The following SPTLC3 variants were observed in gnomAD, a reference collection of about 807,000 sequenced individuals.
SPTLC3 encodes the protein serine palmitoyltransferase 3.
A neutral mutation model predicts 59.3 loss-of-function variants in SPTLC3; 36 were observed. That is an observed-to-expected ratio of 0.61 (90% CI 0.47 to 0.80). The LOEUF (loss-of-function observed/expected upper bound fraction) is 0.80, where lower values mean the gene tolerates loss of function less well. Ranked by LOEUF, SPTLC3 falls within the 30% of genes least tolerant of loss-of-function variation. The pLI is 0.00. For missense variants in SPTLC3, 625 were observed against 685.1 expected (o/e 0.91, Z 0.98); for synonymous variants, 257 against 240.8 (o/e 1.07, Z -0.62).
chr20:13,065,108 A>T (rs1988143327), intron 2 of SPTLC3, among the ~76,000 whole-genome samples: 1 of 152,124 alleles, frequency 6.6e-6, no homozygotes, highest in Non-Finnish European at 1.5e-5. Flanking sequence ...TTCATGGGTG[A>T]CATGAAAAAT....
intron 9 of SPTLC3, among the ~76,000 whole-genome samples, chr20:13,128,777 A>G (rs1296971657): frequency 2.7e-5 from 4 of 150,420 alleles, no homozygotes; most frequent in Admixed American, 6.6e-5. Flanking sequence ...TACAACCTCC[A>G]CCTCCCAGAC....
At position 13,057,486 on chromosome 20, in the gene SPTLC3, G is replaced by A. The variant is rs192061144; in HGVS notation, c.303+8356G>A. ...CATACAGCCTTCCATTCAAATTAAC[G>A]TGTTGTCCAAACTTATCTCTATTTA... On this transcript the variant is annotated intron_variant, in intron 2 of 11. Coordinates refer to ENST00000399002, the MANE Select transcript of SPTLC3 (RefSeq NM_018327.4). Among the ~76,000 whole-genome samples, 1,334 of 151,828 alleles carry A rather than the reference G, an allele frequency of 8.8e-3. 6 individuals are homozygous for A. Among genetic ancestry groups the A allele is most frequent in the Non-Finnish European group, 0.012 (808 of 67,978 alleles).
intron 9 of SPTLC3, among the ~76,000 whole-genome samples, chr20:13,148,257 TG>T (rs965605349): frequency 2.0e-5 from 3 of 152,230 alleles, no homozygotes; most frequent in Non-Finnish European, 4.4e-5. Flanking sequence ...CTGACCCAGC[TG>T]GTTTTGTTTT....
At chr20:13,057,257 C>T (rs1175885980) in intron 2 of SPTLC3, among the ~76,000 whole-genome samples, 1 of 152,118 alleles carries the variant, frequency 6.6e-6, no homozygotes, top group African/African-American at 2.4e-5. Context: ...CATGACAAGC[C>T]AGCCATGGGC....
intron 6 of SPTLC3, among the ~76,000 whole-genome samples, chr20:13,100,827 T>C (rs1343943113): frequency 6.6e-6 from 1 of 152,192 alleles, no homozygotes; most frequent in Non-Finnish European, 1.5e-5. Context: ...CTGCCTAAGG[T>C]CAGGCAAATG....
At chr20:13,090,290 C>A (rs1473306655) in intron 4 of SPTLC3, among the ~76,000 whole-genome samples, 1 of 152,162 alleles carries the variant, frequency 6.6e-6, no homozygotes, top group Non-Finnish European at 1.5e-5. Context: ...GTTTTCTTAT[C>A]TGTGAAGTAA....
At chr20:13,135,565 T>C (rs995297325) in intron 9 of SPTLC3, among the ~76,000 whole-genome samples, 12 of 152,246 alleles carry the variant, frequency 7.9e-5, no homozygotes, top group African/African-American at 2.9e-4. Context: ...CTATATATCT[T>C]ACCAAGCACT....
chr20:13,092,241 G>C (rs1989249082), intron 5 of SPTLC3, among the ~76,000 whole-genome samples: 1 of 152,268 alleles, frequency 6.6e-6, no homozygotes, highest in Non-Finnish European at 1.5e-5. Context: ...GAAAAGACCA[G>C]AGATGAAAGC....
chr20:13,074,853 G>T (rs1471504894), intron 4 of SPTLC3, among the ~76,000 whole-genome samples: 4 of 152,244 alleles, frequency 2.6e-5, no homozygotes, highest in Non-Finnish European at 5.9e-5. Context: ...TTTATGGCCT[G>T]TCTCTGCTCC....
intron 9 of SPTLC3, among the ~76,000 whole-genome samples, chr20:13,147,583 G>A (rs2038545414): frequency 6.6e-6 from 1 of 152,150 alleles, no homozygotes; most frequent in Non-Finnish European, 1.5e-5. Flanking sequence ...GGAGGGGCAG[G>A]GGAAATTAGG....
chr20:13,092,841 G>A (rs1222456871), intron 5 of SPTLC3, among the ~76,000 whole-genome samples: 11 of 152,080 alleles, frequency 7.2e-5, no homozygotes. Flanking sequence ...GTATGCTTAA[G>A]AAGTTTTACA....
intron 2 of SPTLC3, among the ~76,000 whole-genome samples, chr20:13,062,330 A>G (rs1314376739): frequency 1.3e-5 from 2 of 152,214 alleles, no homozygotes; most frequent in Non-Finnish European, 2.9e-5. Context: ...CAACCCCAAA[A>G]TACCAAAGGC....
At chr20:13,126,562 T>A in intron 8 of SPTLC3, 29 bp from the exon 9 acceptor site, 1 of 1,611,858 alleles carries the variant, frequency 6.2e-7, no homozygotes, top group Non-Finnish European at 8.5e-7. Flanking sequence ...TTATTTGCCT[T>A]CTTTTTGGGT....
intron 1 of SPTLC3, among the ~76,000 whole-genome samples, chr20:13,024,869 C>G (rs1318830878): frequency 6.6e-6 from 1 of 152,168 alleles, no homozygotes; most frequent in East Asian, 1.9e-4. Context: ...AGGAAAGGAA[C>G]TTAGTTCAGT....
chr20:13,057,202 C>G (rs1028523246), intron 2 of SPTLC3, among the ~76,000 whole-genome samples: 1 of 152,162 alleles, frequency 6.6e-6, no homozygotes, highest in Non-Finnish European at 1.5e-5. Context: ...GAGCATTATT[C>G]TATTCTAAAA....
intron 2 of SPTLC3, among the ~76,000 whole-genome samples, chr20:13,064,250 CT>C (rs936154591): frequency 6.6e-4 from 62 of 93,454 alleles, no homozygotes; most frequent in African/African-American, 2.0e-3. Context: ...TTAAATAGTT[CT>C]TTTTTTTCTT....
intron 8 of SPTLC3, among the ~76,000 whole-genome samples, chr20:13,124,806 G>A (rs1389712885): frequency 3.9e-5 from 6 of 152,176 alleles, no homozygotes; most frequent in Non-Finnish European, 8.8e-5. Flanking sequence ...TGATGGGCAG[G>A]GACCAGGCCC....
chr20:13,066,062 C>T, intron 2 of SPTLC3, among the ~76,000 whole-genome samples: 1 of 152,242 alleles, frequency 6.6e-6, no homozygotes, highest in Non-Finnish European at 1.5e-5. Flanking sequence ...CCAGTATCCC[C>T]CTATTTTCAC....
At chr20:13,040,939 A>G (rs1218395370) in intron 1 of SPTLC3, among the ~76,000 whole-genome samples, 1 of 151,236 alleles carries the variant, frequency 6.6e-6, no homozygotes, top group African/African-American at 2.4e-5. Flanking sequence ...ATTTTTTTCT[A>G]CTCCAAAGAA....
Sources: gnomAD v4.1 joint callset for allele counts (sites outside exome capture counted in the v4.1 genomes callset) on GRCh38, gnomAD v4.1.1 for gene constraint, MANE v1.5 for transcripts, NCBI Gene and HGNC (gene_info 2026-07-23, HGNC 2026-07-21) for gene names.